RASAL2: variants seen among roughly 807,000 people sequenced by gnomAD.
The protein encoded by RASAL2 is RAS protein activator like 2, also known as ras GTPase-activating protein nGAP.
A neutral mutation model predicts 128.9 loss-of-function variants in RASAL2; 58 were observed. The observed-to-expected ratio is 0.45, with a 90% CI of 0.36 to 0.56. RASAL2 has a LOEUF of 0.56. Among genes scored for constraint, RASAL2 ranks in the 20% least tolerant of loss-of-function variants. The pLI is 0.00. For missense variants in RASAL2, 1,360 were observed against 1,601.6 expected, an observed-to-expected ratio of 0.85 and a Z score of 2.57; for synonymous variants, 561 against 580.8, an observed-to-expected ratio of 0.97 and a Z score of 0.49.
chr1:178,135,595 T>C (rs1168330662), intron 1 of RASAL2, among the ~76,000 whole-genome samples: 1 of 151,938 alleles, frequency 6.6e-6, no homozygotes, highest in Non-Finnish European at 1.5e-5. Context: ...GATTTACCTA[T>C]TATAGCAATT....
intron 1 of RASAL2, among the ~76,000 whole-genome samples, chr1:178,246,745 A>T (rs1043802485): frequency 2.6e-5 from 4 of 152,160 alleles, no homozygotes; most frequent in Admixed American, 2.0e-4. Flanking sequence ...TGTTCCATCA[A>T]TACCTAGTTT....
At chr1:178,266,989 TCCAGCCCAGCTCTAAGAGCTGGG>T (rs1232128006) in intron 1 of RASAL2, among the ~76,000 whole-genome samples, 1 of 152,136 alleles carries the variant, frequency 6.6e-6, no homozygotes, top group African/African-American at 2.4e-5. Context: ...ATCAAAGGTT[TCCAGCCCAGCTCTAAGAGCTGGG>T]CTTTCCTGCT....
chr1:178,368,781 G>A (rs1293581429), intron 3 of RASAL2, among the ~76,000 whole-genome samples: 1 of 151,868 alleles, frequency 6.6e-6, no homozygotes, highest in Non-Finnish European at 1.5e-5. Context: ...GAGACTACAG[G>A]CACATGTCAC....
intron 3 of RASAL2, among the ~76,000 whole-genome samples, chr1:178,314,384 A>C (rs1357335949): frequency 6.6e-6 from 1 of 152,210 alleles, no homozygotes; most frequent in Non-Finnish European, 1.5e-5. Flanking sequence ...AGGCTAACAA[A>C]ATAATTCTCT....
intron 5 of RASAL2, among the ~76,000 whole-genome samples, chr1:178,429,268 A>T (rs1479865597): frequency 6.6e-6 from 1 of 152,132 alleles, no homozygotes; most frequent in Non-Finnish European, 1.5e-5. Flanking sequence ...ATCCAAAAGC[A>T]TCAATGCTCT....
chr1:178,321,452 C>G lies in RASAL2; in HGVS notation c.457+21334C>G, dbSNP rs375715654. ...GCTTTATTTGCCACTGAAATTACCC[C>G]CAACTATCAGAGATTTGATAATAAG... On this transcript the variant is annotated intron_variant, in intron 3 of 17. Coordinates refer to ENST00000367649, the MANE Select transcript of RASAL2 (RefSeq NM_170692.4). Among the ~76,000 whole-genome samples the G allele has an allele frequency of 7.9e-5, 12 of 152,210 alleles. No homozygotes were observed. In the East Asian group the frequency reaches 2.1e-3, roughly 27 times the overall value.
At chr1:178,411,846 A>T in intron 4 of RASAL2, 1 of 751,000 alleles carries the variant, frequency 1.3e-6, no homozygotes, top group Non-Finnish European at 2.5e-6. Context: ...TACACGTCAA[A>T]CTCTGGGCCA....
At position 178,265,215 on chromosome 1, in the gene RASAL2, G is replaced by A. The variant is rs536972835; in HGVS notation, c.203-18349G>A. Among the ~76,000 whole-genome samples the A allele has an allele frequency of 1.3e-5, 2 of 152,150 alleles. 1 individual carries two copies. The highest frequency in any genetic ancestry group is 4.2e-4 in the South Asian group (2 of 4,802). On this transcript the variant is annotated intron_variant, in intron 1 of 17. Transcript: ENST00000367649. ...TTGGCCTTGTTCAAATGTTCAAATG[G>A]AACTATATAGTCATGGTTCCCTCCT...
At chr1:178,265,053 C>T (rs1271579844) in intron 1 of RASAL2, among the ~76,000 whole-genome samples, 3 of 152,180 alleles carry the variant, frequency 2.0e-5, no homozygotes, top group Non-Finnish European at 2.9e-5. Context: ...GTGCTAGGAA[C>T]CGGGGACAAA....
At chr1:178,132,862 G>A (rs570640261) in intron 1 of RASAL2, among the ~76,000 whole-genome samples, 6 of 150,284 alleles carry the variant, frequency 4.0e-5, no homozygotes, top group African/African-American at 7.3e-5. Context: ...TCTGCCTCCC[G>A]GGTTCAAGCG....
At chr1:178,330,292 G>C (rs1669232230) in intron 3 of RASAL2, among the ~76,000 whole-genome samples, 1 of 152,150 alleles carries the variant, frequency 6.6e-6, no homozygotes. Flanking sequence ...TAATGGTTCT[G>C]CTTGTAATAT....
At chr1:178,254,404 T>A (rs982978257) in intron 1 of RASAL2, among the ~76,000 whole-genome samples, 5 of 152,246 alleles carry the variant, frequency 3.3e-5, no homozygotes, top group Non-Finnish European at 7.3e-5. Context: ...TGTCAACTTT[T>A]GGCATTGCAG....
At chr1:178,246,085 T>G (rs147028726) in intron 1 of RASAL2, among the ~76,000 whole-genome samples, 1 of 152,316 alleles carries the variant, frequency 6.6e-6, no homozygotes, top group African/African-American at 2.4e-5. Flanking sequence ...TTAAAGTCAT[T>G]TTTTCTAGTT....
At chr1:178,371,557 G>A (rs1004792675) in intron 3 of RASAL2, among the ~76,000 whole-genome samples, 2 of 152,078 alleles carry the variant, frequency 1.3e-5, no homozygotes, top group East Asian at 1.9e-4. Context: ...CGAGGTGGGG[G>A]GAGGAATGGA....
At position 178,476,094 on chromosome 1, in the gene RASAL2, G is replaced by A. The variant is rs1251399474; in HGVS notation, c.*2855G>A. On this transcript the variant is annotated 3_prime_UTR_variant, in exon 18 of 18. Coordinates refer to ENST00000367649, the MANE Select transcript of RASAL2 (RefSeq NM_170692.4). ...TGCTGGGAGGAGGTACATGGCTGAA[G>A]AGAGGCAAATAGATTAAGATAGCAA... 1 of 152,224 alleles carries A rather than the reference G, an allele frequency of 6.6e-6. No homozygotes were observed. The highest frequency in any genetic ancestry group is 1.9e-4 in the East Asian group (1 of 5,198). The allele number at this position is 152,224 out of a possible 1,614,324, so 9.4% of individuals were successfully genotyped here. A position where few individuals can be genotyped will look rare whatever the true frequency, so the allele number is the denominator to read the frequency against.
At chr1:178,106,989 T>C (rs757951445) in intron 1 of RASAL2, among the ~76,000 whole-genome samples, 1 of 152,214 alleles carries the variant, frequency 6.6e-6, no homozygotes, top group Non-Finnish European at 1.5e-5. Context: ...AGTAATATTA[T>C]TCTGTTTACC....
intron 2 of RASAL2, 146 bp downstream of exon 2, chr1:178,283,837 T>C: frequency 3.2e-6 from 3 of 933,540 alleles, no homozygotes; most frequent in Non-Finnish European, 3.2e-6. Flanking sequence ...GCTGCTAATG[T>C]CATAAAGATA....
At chr1:178,390,524 G>A (rs550368659) in intron 4 of RASAL2, among the ~76,000 whole-genome samples, 8 of 152,008 alleles carry the variant, frequency 5.3e-5, no homozygotes, top group Admixed American at 1.3e-4. Flanking sequence ...AATTACAGGC[G>A]CATACCATCA....
chr1:178,274,172 T>C (rs181843577), intron 1 of RASAL2, among the ~76,000 whole-genome samples: 84 of 152,318 alleles, frequency 5.5e-4, no homozygotes, highest in African/African-American at 1.9e-3. Flanking sequence ...TTCTTCTGCT[T>C]TCTTAGGTAG....
Sources: allele counts gnomAD v4.1 joint callset (sites outside exome capture counted in the v4.1 genomes callset), GRCh38; gene constraint gnomAD v4.1.1; transcripts MANE v1.5; gene names NCBI Gene and HGNC (gene_info 2026-07-23, HGNC 2026-07-21).